FHIT: variants seen among roughly 807,000 people sequenced by gnomAD.
FHIT encodes the protein fragile histidine triad diadenosine triphosphatase.
Under a neutral mutation model 17.9 loss-of-function variants are expected in FHIT, and 19 were observed. The observed-to-expected ratio is 1.06, with a 90% CI of 0.74 to 1.56. The LOEUF (loss-of-function observed/expected upper bound fraction) is 1.56. Among genes scored for constraint, FHIT ranks in the 40% most tolerant of loss-of-function variants. FHIT has a pLI of 0.00. For synonymous variants in FHIT, 81 were observed against 69.7 expected, an observed-to-expected ratio of 1.16 and a Z score of -0.81; for missense variants, 248 against 189.2, an observed-to-expected ratio of 1.31 and a Z score of -1.82.
At chr3:60,448,120 A>G (rs1465616778) in intron 5 of FHIT, among the ~76,000 whole-genome samples, 1 of 152,116 alleles carries the variant, frequency 6.6e-6, no homozygotes. Context: ...ACTGACCTCA[A>G]TTGCTCTCGG....
At chr3:59,876,732 T>A (rs73100608) in intron 8 of FHIT, among the ~76,000 whole-genome samples, 1 of 152,192 alleles carries the variant, frequency 6.6e-6, no homozygotes, top group Non-Finnish European at 1.5e-5. Flanking sequence ...TGTGTTAGTA[T>A]CAGACACTGC....
intron 4 of FHIT, among the ~76,000 whole-genome samples, chr3:60,605,926 C>T (rs2038593755): frequency 6.6e-6 from 1 of 152,170 alleles, no homozygotes; most frequent in South Asian, 2.1e-4. Context: ...TATATAAAAA[C>T]ACTATAGTAT....
At chr3:61,186,386 G>A (rs537592012) in intron 2 of FHIT, among the ~76,000 whole-genome samples, 1 of 152,216 alleles carries the variant, frequency 6.6e-6, no homozygotes, top group African/African-American at 2.4e-5. Flanking sequence ...TCTGGCAAGG[G>A]TGGGCGCCTG....
chr3:60,770,390 C>G (rs1359590917), intron 4 of FHIT, among the ~76,000 whole-genome samples: 1 of 152,082 alleles, frequency 6.6e-6, no homozygotes, highest in African/African-American at 2.4e-5. Context: ...ATGTTTGCTC[C>G]ACATCATGAA....
At chr3:60,660,749 T>TTTTTTTTTTTTTTTTTTTTTTTTTTTTC (rs2040228183) in intron 4 of FHIT, among the ~76,000 whole-genome samples, 1 of 139,778 alleles carries the variant, frequency 7.2e-6, no homozygotes, top group African/African-American at 2.7e-5. Flanking sequence ...TTTTTTTTTT[T>TTTTTTTTTTTTTTTTTTTTTTTTTTTTC]TGCCATCTGC....
intron 3 of FHIT, among the ~76,000 whole-genome samples, chr3:61,006,405 T>A (rs1575827202): frequency 6.6e-6 from 1 of 152,114 alleles, no homozygotes; most frequent in Admixed American, 6.5e-5. Context: ...TAACAAATGC[T>A]AAAAAGCAAA....
At chr3:60,325,916 C>T (rs1366665754) in intron 5 of FHIT, among the ~76,000 whole-genome samples, 1 of 152,210 alleles carries the variant, frequency 6.6e-6, no homozygotes, top group Non-Finnish European at 1.5e-5. Flanking sequence ...TGTGTGTAAT[C>T]ATGACCGACG....
chr3:60,722,819 T>C (rs1405477116), intron 4 of FHIT, among the ~76,000 whole-genome samples: 1 of 150,536 alleles, frequency 6.6e-6, no homozygotes, highest in African/African-American at 2.5e-5. Flanking sequence ...GCTTCCAGGA[T>C]TCAAATGATT....
intron 5 of FHIT, among the ~76,000 whole-genome samples, chr3:60,253,921 ACTAAT>A (rs1023276000): frequency 3.3e-5 from 5 of 152,214 alleles, no homozygotes; most frequent in Admixed American, 2.6e-4. Flanking sequence ...CTTGTGAGTT[ACTAAT>A]CTAATCTCAA....
At chr3:59,968,233 C>A (rs919423858) in intron 7 of FHIT, among the ~76,000 whole-genome samples, 43 of 152,062 alleles carry the variant, frequency 2.8e-4, no homozygotes, top group Non-Finnish European at 3.8e-4. Context: ...CTACCAAGGT[C>A]AGGGGGCCAA....
At chr3:60,418,372 GTGTGTATATATATATATATATATA>G (rs1375154343) in intron 5 of FHIT, among the ~76,000 whole-genome samples, 2 of 5,324 alleles carry the variant, frequency 3.8e-4, no homozygotes, top group African/African-American at 4.1e-4. Flanking sequence ...GTATCTGAAT[GTGTGTATATATATATATATATATA>G]TATATATATA....
At chr3:60,407,997 C>T (rs986716368) in intron 5 of FHIT, among the ~76,000 whole-genome samples, 1 of 152,182 alleles carries the variant, frequency 6.6e-6, no homozygotes, top group Non-Finnish European at 1.5e-5. Context: ...CAGTTGCATA[C>T]TAAACGAAGG....
chr3:60,456,475 T>C (rs1343082191), intron 5 of FHIT, among the ~76,000 whole-genome samples: 1 of 152,224 alleles, frequency 6.6e-6, no homozygotes, highest in East Asian at 1.9e-4. Flanking sequence ...AAATACAACA[T>C]TAATTATGGA....
rs111606033 is a variant in FHIT at position 60,028,549 on chromosome 3, T to C, written c.104-14397A>G. Among the ~76,000 whole-genome samples, 1,170 of 152,292 alleles carry C rather than the reference T, an allele frequency of 7.7e-3. 25 individuals carry two copies. Among genetic ancestry groups the C allele is most frequent in the South Asian group, 0.076 (368 of 4,824 alleles). ...TTGTATCCCACTGATCTTCCAGTGA[T>C]GAACCCACATATTTCACCAAAATGG... On this transcript the variant is annotated intron_variant, in intron 5 of 9. Coordinates refer to ENST00000492590, the MANE Select transcript of FHIT (RefSeq NM_002012.4).
At chr3:60,431,305 A>C (rs575500773) in intron 5 of FHIT, among the ~76,000 whole-genome samples, 3 of 151,982 alleles carry the variant, frequency 2.0e-5, no homozygotes, top group East Asian at 1.9e-4. Context: ...ATGTTGGCCT[A>C]ATGATTTAGT....
chr3:60,169,972 T>C (rs1250987008), intron 5 of FHIT, among the ~76,000 whole-genome samples: 1 of 152,208 alleles, frequency 6.6e-6, no homozygotes, highest in African/African-American at 2.4e-5. Context: ...GCACATGGAA[T>C]GGACCTCTGC....
At chr3:60,312,218 C>G (rs1373518936) in intron 5 of FHIT, among the ~76,000 whole-genome samples, 5 of 152,096 alleles carry the variant, frequency 3.3e-5, no homozygotes. Context: ...TCACTATAAC[C>G]TCAAACACCT....
chr3:60,299,173 A>G (rs1708341935), intron 5 of FHIT, among the ~76,000 whole-genome samples: 1 of 152,106 alleles, frequency 6.6e-6, no homozygotes, highest in Admixed American at 6.6e-5. Context: ...TAAACTCCAC[A>G]TTTAATCGTA....
chr3:60,561,739 G>A (rs1044835889), intron 4 of FHIT, among the ~76,000 whole-genome samples: 4 of 152,184 alleles, frequency 2.6e-5, no homozygotes, highest in Non-Finnish European at 5.9e-5. Context: ...ATGCTTAGAT[G>A]TGTCAGTAGA....
Sources: allele counts gnomAD v4.1 joint callset (sites outside exome capture counted in the v4.1 genomes callset), GRCh38; gene constraint gnomAD v4.1.1; transcripts MANE v1.5; gene names NCBI Gene and HGNC (gene_info 2026-07-23, HGNC 2026-07-21).